Variants in PSPC1 observed in about 807,000 individuals in gnomAD.
The protein encoded by PSPC1 is paraspeckle component 1.
In PSPC1, 14 loss-of-function variants were observed where a neutral mutation model predicts 51.6. That is an observed-to-expected ratio of 0.27 (90% CI 0.18 to 0.42). The LOEUF (loss-of-function observed/expected upper bound fraction) is 0.42. Among genes scored for constraint, PSPC1 ranks in the 10% least tolerant of loss-of-function variants. The probability of loss-of-function intolerance (pLI) is 1.00; values close to 1 mark genes in which losing one functional copy is unlikely to be tolerated. For synonymous variants in PSPC1, 193 were observed against 231.9 expected (o/e 0.83, Z 1.53); for missense variants, 406 against 701.1 (o/e 0.58, Z 4.75).
At chr13:19,735,333 A>G (rs905805382) in intron 5 of PSPC1, among the ~76,000 whole-genome samples, 5 of 152,102 alleles carry the variant, frequency 3.3e-5, no homozygotes, top group Non-Finnish European at 5.9e-5. Context: ...CAAAGAAACG[A>G]AGTGGGTAGG....
At chr13:19,733,785 A>AT (rs1566006222) in intron 5 of PSPC1, among the ~76,000 whole-genome samples, 88 of 138,374 alleles carry the variant, frequency 6.4e-4, no homozygotes, top group African/African-American at 1.8e-3. Flanking sequence ...AAAGAAAAAA[A>AT]AATATATATA....
chr13:19,671,254 C>T (rs763452058), downstream of PSPC1: 18 of 1,613,884 alleles, frequency 1.1e-5, no homozygotes, highest in Non-Finnish European at 1.5e-5. Flanking sequence ...TCCCAATAAA[C>T]TCTTCATAAG....
At chr13:19,756,984 G>A (rs913239280) in intron 3 of PSPC1, among the ~76,000 whole-genome samples, 1 of 151,938 alleles carries the variant, frequency 6.6e-6, no homozygotes, top group Non-Finnish European at 1.5e-5. Flanking sequence ...AAAAAAATTA[G>A]CCGGGCATGG....
intron 6 of PSPC1, among the ~76,000 whole-genome samples, chr13:19,724,145 A>G (rs1307581463): frequency 6.6e-6 from 1 of 152,238 alleles, no homozygotes; most frequent in Non-Finnish European, 1.5e-5. Context: ...AAGCAACATA[A>G]ATTCCTCATT....
intron 6 of PSPC1, among the ~76,000 whole-genome samples, chr13:19,716,365 CTAAA>C (rs1373103621): frequency 6.6e-6 from 1 of 152,140 alleles, no homozygotes; most frequent in African/African-American, 2.4e-5. Context: ...ACTCACTGAA[CTAAA>C]TAAAAACTGC....
At chr13:19,756,867 C>A (rs995845174) in intron 3 of PSPC1, among the ~76,000 whole-genome samples, 1 of 151,554 alleles carries the variant, frequency 6.6e-6, no homozygotes, top group African/African-American at 2.4e-5. Flanking sequence ...TGGTGGCTCA[C>A]GCCTGTAATC....
intron 6 of PSPC1, chr13:19,678,873 C>T (rs1876960291): frequency 6.6e-6 from 1 of 152,252 alleles, no homozygotes; most frequent in African/African-American, 2.4e-5. Context: ...CCTCCTGTCT[C>T]AGTCTCCCAG....
At chr13:19,737,415 T>C (rs1884962434) in intron 5 of PSPC1, among the ~76,000 whole-genome samples, 2 of 152,188 alleles carry the variant, frequency 1.3e-5, no homozygotes, top group African/African-American at 4.8e-5. Flanking sequence ...TAGAATGTCC[T>C]TGAATTTGGG....
At chr13:19,748,529 CAA>C (rs1214020991) in intron 4 of PSPC1, among the ~76,000 whole-genome samples, 2 of 152,172 alleles carry the variant, frequency 1.3e-5, no homozygotes, top group African/African-American at 4.8e-5. Flanking sequence ...TACCTTCAGG[CAA>C]AGTTTTCTAA....
At chr13:19,731,619 G>T (rs1884133586) in intron 5 of PSPC1, among the ~76,000 whole-genome samples, 1 of 152,052 alleles carries the variant, frequency 6.6e-6, no homozygotes, top group South Asian at 2.1e-4. Context: ...TTGCCATGTT[G>T]CCCAGACTGG....
At position 19,736,082 on chromosome 13, in the gene PSPC1, AGTGCTGGGATTACAGGCATGAGCCACC is replaced by A. The variant is rs1387814182; in HGVS notation, c.1052+5456_1052+5482del. ...TGATCCGCCTGCCTCGGCCTCCCAA[AGTGCTGGGATTACAGGCATGAGCCACC>A]GCGCCCGGCCAAAAACTACTCAATT... On this transcript the variant is annotated intron_variant, in intron 5 of 8. Transcript: ENST00000338910. Among the ~76,000 whole-genome samples, 6 of 152,088 alleles carry A rather than the reference AGTGCTGGGATTACAGGCATGAGCCACC, an allele frequency of 3.9e-5. 1 individual carries two copies. The highest frequency in any genetic ancestry group is 1.4e-4 in the African/African-American group (6 of 41,494).
intron 6 of PSPC1, among the ~76,000 whole-genome samples, chr13:19,694,745 C>T (rs1331927807): frequency 2.0e-5 from 3 of 152,164 alleles, no homozygotes; most frequent in Non-Finnish European, 2.9e-5. Flanking sequence ...AATGCCACTA[C>T]TACTAGGATG....
rs558406218 is a variant in PSPC1, at chr13:19,693,538, A to T, written c.1159-15715T>A. 5.3e-5 allele frequency among the ~76,000 whole-genome samples: 8 copies of T among 152,352 alleles called. 1 individual carries two copies. The highest frequency in any genetic ancestry group is 1.9e-4 in the African/African-American group (8 of 41,582). ...AAATGACGGATATTCTAGAAGGAAT[A>T]AAATAAATAAATAAATAAACAAGAT... On this transcript the variant is annotated intron_variant and NMD_transcript_variant, in intron 6 of 7. Transcript: ENST00000471658.
chr13:19,736,909 C>T (rs9506363), intron 5 of PSPC1: 141,356 of 152,022 alleles, frequency 0.93, 66,627 homozygotes, highest in East Asian at 1. Flanking sequence ...CCTCACTAAT[C>T]TTTTTTTAAA....
intron 6 of PSPC1, among the ~76,000 whole-genome samples, chr13:19,728,106 TA>T (rs1364927923): frequency 5.3e-5 from 8 of 152,272 alleles, no homozygotes; most frequent in Non-Finnish European, 1.0e-4. Flanking sequence ...CCATGTGTCA[TA>T]AAATTATGAT....
At position 19,702,676 on chromosome 13, in the gene PSPC1, C is replaced by G. The variant is rs1880064942; in HGVS notation, c.*499G>C. On this transcript the variant is annotated 3_prime_UTR_variant, in exon 9 of 9. Coordinates refer to ENST00000338910, the MANE Select transcript of PSPC1 (RefSeq NM_001354909.2). ...TTAAACTCCCATACCCTCCCACCCC[C>G]ACATATACTACTCTATCTACCCCTT... 1 of 154,360 alleles carries G rather than the reference C, an allele frequency of 6.5e-6. No homozygotes were observed. The highest frequency in any genetic ancestry group is 2.0e-4 in the South Asian group (1 of 5,008). The allele number at this position is 154,360 out of a possible 1,614,324, so 9.6% of individuals were successfully genotyped here.
At position 19,782,144 on chromosome 13, in the gene PSPC1, C is replaced by G. The variant is rs1161308870; in HGVS notation, c.372+242G>C. The stretch of plus-strand genomic sequence containing the variant: ...GCCTGCAGCCACCGCAAAGCACGAT[C>G]GGCGCACGGCAGAAAACGGCGGCCA... On this transcript the variant is annotated intron_variant, in intron 1 of 8. Coordinates refer to ENST00000338910, the MANE Select transcript of PSPC1 (RefSeq NM_001354909.2). This position sits in a 1 kb window ranked among gnomAD's most constrained non-coding sequence, Gnocchi z 4.5. Among the ~76,000 whole-genome samples, 1 of 152,236 alleles carries G rather than the reference C, an allele frequency of 6.6e-6. No homozygotes were observed. The highest frequency in any genetic ancestry group is 1.5e-5 in the Non-Finnish European group (1 of 68,046).
chr13:19,696,164 C>A (rs1879200650), intron 6 of PSPC1, among the ~76,000 whole-genome samples: 1 of 152,100 alleles, frequency 6.6e-6, no homozygotes, highest in African/African-American at 2.4e-5. Context: ...ATGTGGAAAA[C>A]TGAGAAGATA....
chr13:19,694,196 A>C (rs1878945948), intron 6 of PSPC1, among the ~76,000 whole-genome samples: 1 of 150,408 alleles, frequency 6.6e-6, no homozygotes, highest in Non-Finnish European at 1.5e-5. Context: ...CACACACACT[A>C]AAACTTTAAA....
Sources: allele counts gnomAD v4.1 joint callset (sites outside exome capture counted in the v4.1 genomes callset), GRCh38; gene constraint gnomAD v4.1.1; non-coding constraint Gnocchi (gnomAD v3.1); transcripts MANE v1.5; gene names NCBI Gene and HGNC (gene_info 2026-07-23, HGNC 2026-07-21).